Variants in NAV3 observed in about 807,000 individuals in gnomAD.
The protein encoded by NAV3 is pore membrane and/or filament interacting like protein 1.
NAV3 carries 87 observed loss-of-function variants against 244.7 expected under a neutral mutation model. That is an observed-to-expected ratio of 0.36 (90% CI 0.30 to 0.42). The LOEUF is 0.42. Among genes scored for constraint, NAV3 ranks in the 20% least tolerant of loss-of-function variants. The probability of loss-of-function intolerance (pLI) is 1.00; values close to 1 mark genes in which losing one functional copy is unlikely to be tolerated. For synonymous variants in NAV3, 1,126 were observed against 1,042.2 expected (o/e 1.08, Z -1.55); for missense variants, 2,663 against 2,893.3 (o/e 0.92, Z 1.83).
chr12:78,014,802 T>C (rs1875897770), intron 8 of NAV3, among the ~76,000 whole-genome samples: 1 of 152,110 alleles, frequency 6.6e-6, no homozygotes, highest in Non-Finnish European at 1.5e-5. Flanking sequence ...GGTAATGCTT[T>C]TGTAAGCCCT....
At position 78,210,701 on chromosome 12, in the gene NAV3, T is replaced by C. The variant is rs184551680; in HGVS notation, c.*184T>C. 4.9e-3 allele frequency: 3,149 copies of C among 640,742 alleles called. 33 individuals carry two copies. The highest frequency in any genetic ancestry group is 3.6e-3 in the Non-Finnish European group (1,363 of 373,540). The allele number at this position is 640,742 out of a possible 1,614,324, so 39.7% of individuals were successfully genotyped here. ...CAAGATGCTAAATTGCAATGGAAGCTTAACTTTAGTTTATTTCTAAGCATT... is the reference window on the plus strand; with the variant it reads ...CAAGATGCTAAATTGCAATGGAAGCCTAACTTTAGTTTATTTCTAAGCATT... On this transcript the variant is annotated 3_prime_UTR_variant, in exon 40 of 40. Transcript: ENST00000397909.
chr12:78,089,394 C>G (rs933795046), intron 12 of NAV3, among the ~76,000 whole-genome samples: 15 of 152,104 alleles, frequency 9.9e-5, no homozygotes, highest in Admixed American at 6.6e-5. Context: ...ATTAAGAGAA[C>G]CACAGCACTT....
intron 2 of NAV3, among the ~76,000 whole-genome samples, chr12:77,824,747 G>T (rs1443693969): frequency 6.6e-6 from 1 of 151,882 alleles, no homozygotes; most frequent in African/African-American, 2.4e-5. Context: ...ACAAAAATTA[G>T]CTGGGTGTGG....
At chr12:77,845,651 CTTTTTTTTT>C (rs36029202) in intron 1 of NAV3, among the ~76,000 whole-genome samples, 6 of 129,602 alleles carry the variant, frequency 4.6e-5, no homozygotes, top group Non-Finnish European at 8.3e-5. Context: ...TAGGCTAATA[CTTTTTTTTT>C]TTTTTTTTTT....
intron 1 of NAV3, among the ~76,000 whole-genome samples, chr12:77,856,885 G>T (rs1166649371): frequency 6.6e-6 from 1 of 152,034 alleles, no homozygotes; most frequent in Non-Finnish European, 1.5e-5. Flanking sequence ...GATCTTGAGT[G>T]GATCTAAATT....
At chr12:78,183,511 A>G (rs1358275439) in intron 30 of NAV3, among the ~76,000 whole-genome samples, 2 of 151,966 alleles carry the variant, frequency 1.3e-5, no homozygotes, top group Non-Finnish European at 2.9e-5. Flanking sequence ...AGATCATGAA[A>G]CTAGTAAGCA....
chr12:77,600,592 GT>G (rs1239107293), intron 2 of NAV3, among the ~76,000 whole-genome samples: 1 of 152,000 alleles, frequency 6.6e-6, no homozygotes, highest in East Asian at 1.9e-4. Context: ...CACTTGGCAA[GT>G]GCATTATTTC....
intron 2 of NAV3, among the ~76,000 whole-genome samples, chr12:77,759,973 T>A (rs946257990): frequency 2.0e-5 from 3 of 152,120 alleles, no homozygotes; most frequent in Non-Finnish European, 4.4e-5. Flanking sequence ...AGCCTCTTTG[T>A]ATATTAATAC....
At chr12:77,806,944 C>G (rs555636082) in intron 2 of NAV3, among the ~76,000 whole-genome samples, 5 of 152,166 alleles carry the variant, frequency 3.3e-5, no homozygotes, top group African/African-American at 1.2e-4. Context: ...CTTTTTTGAT[C>G]TTTGTTGGTC....
intron 2 of NAV3, among the ~76,000 whole-genome samples, chr12:77,654,259 C>T (rs1021427374): frequency 5.9e-5 from 9 of 152,188 alleles, no homozygotes; most frequent in South Asian, 2.1e-4. Context: ...CCAAATACTG[C>T]GCTTTTCCGA....
At chr12:77,695,273 A>C (rs1262680864) in intron 2 of NAV3, among the ~76,000 whole-genome samples, 2 of 151,974 alleles carry the variant, frequency 1.3e-5, no homozygotes, top group Non-Finnish European at 2.9e-5. Context: ...TAGTAGTTTC[A>C]TGGTTAGAGG....
At chr12:77,713,105 G>C (rs1876199523) in intron 2 of NAV3, among the ~76,000 whole-genome samples, 1 of 152,092 alleles carries the variant, frequency 6.6e-6, no homozygotes, top group African/African-American at 2.4e-5. Context: ...CCAAGAAATG[G>C]CTTTTTCAAT....
At chr12:77,676,046 T>C (rs576194474) in intron 2 of NAV3, among the ~76,000 whole-genome samples, 15 of 152,138 alleles carry the variant, frequency 9.9e-5, no homozygotes, top group Non-Finnish European at 1.5e-4. Context: ...CCACTTCACA[T>C]GGGAAGCAAG....
In NAV3 at chr12:77,998,392, GCCTC is replaced by G; in HGVS notation, c.797_800del (p.Ala266ValfsTer3). ...AGGAAGCAGCAGCAAGGTCCAGGGA[GCCTC>G]TAATTTAAATAGGAGAAGTCAGAGC... On this transcript the variant is annotated frameshift_variant, in exon 7 of 40. Coordinates refer to ENST00000397909, the MANE Select transcript of NAV3 (RefSeq NM_001024383.2). LOFTEE classifies it high-confidence loss of function. 1 of 1,612,052 alleles carries G rather than the reference GCCTC, an allele frequency of 6.2e-7. No homozygotes were observed. Among genetic ancestry groups the G allele is most frequent in the Non-Finnish European group, 8.5e-7 (1 of 1,178,936 alleles).
chr12:77,925,658 C>A (rs907930887), intron 1 of NAV3, among the ~76,000 whole-genome samples: 1 of 152,130 alleles, frequency 6.6e-6, no homozygotes, highest in Non-Finnish European at 1.5e-5. Context: ...CAAGGCTACG[C>A]AGCAGCAGCC....
At chr12:77,926,360 A>G (rs1248564475) in intron 1 of NAV3, among the ~76,000 whole-genome samples, 1 of 152,144 alleles carries the variant, frequency 6.6e-6, no homozygotes, top group Non-Finnish European at 1.5e-5. Flanking sequence ...GGCAATGCTT[A>G]CCTTACCTTA....
chr12:78,168,999 T>C (rs565397399), intron 24 of NAV3, 133 bp downstream of exon 24: 1 of 556,092 alleles, frequency 1.8e-6, no homozygotes, highest in African/African-American at 1.9e-5. Flanking sequence ...ATAGTTGTAT[T>C]AATACATACT....
intron 2 of NAV3, among the ~76,000 whole-genome samples, chr12:77,733,564 C>T (rs1352588485): frequency 2.0e-5 from 3 of 151,956 alleles, no homozygotes; most frequent in Admixed American, 6.6e-5. Context: ...AGTTCCAGAA[C>T]ATCATCTGTG....
chr12:77,716,433 T>C (rs1432733468), intron 2 of NAV3, among the ~76,000 whole-genome samples: 2 of 151,908 alleles, frequency 1.3e-5, no homozygotes, highest in African/African-American at 2.4e-5. Flanking sequence ...AGTGGCATAA[T>C]ATTGTTCAGA....
Sources: gnomAD v4.1 joint callset for allele counts (sites outside exome capture counted in the v4.1 genomes callset) on GRCh38, gnomAD v4.1.1 for gene constraint, MANE v1.5 for transcripts, NCBI Gene and HGNC (gene_info 2026-07-23, HGNC 2026-07-21) for gene names.